The following CPSF6 variants were observed in gnomAD, a reference collection of about 807,000 sequenced individuals.
CPSF6 encodes the protein cleavage and polyadenylation specific factor 6.
Under a neutral mutation model 56.7 loss-of-function variants are expected in CPSF6, and 10 were observed. The ratio of observed to expected loss-of-function variants is 0.18; its 90% confidence interval spans 0.11 to 0.30. The LOEUF is 0.30. Ranked by LOEUF, CPSF6 falls within the 10% of genes least tolerant of loss-of-function variation. The pLI is 1.00. For synonymous variants in CPSF6, 248 were observed against 244.8 expected (o/e 1.01, Z -0.12); for missense variants, 419 against 722.9 (o/e 0.58, Z 4.82).
At chr12:69,269,276 T>A (rs981448871) in intron 9 of CPSF6, among the ~76,000 whole-genome samples, 1 of 151,888 alleles carries the variant, frequency 6.6e-6, no homozygotes, top group Non-Finnish European at 1.5e-5. Context: ...TCATTAAATT[T>A]ATAAGGCAAT....
intron 1 of CPSF6, among the ~76,000 whole-genome samples, chr12:69,250,077 G>A (rs749519750): frequency 6.6e-5 from 10 of 151,876 alleles, no homozygotes; most frequent in Non-Finnish European, 8.8e-5. Flanking sequence ...CATGTATTTC[G>A]TTTATTTCTC....
chr12:69,263,798 A>G (rs1192669358), intron 9 of CPSF6, among the ~76,000 whole-genome samples: 2 of 152,188 alleles, frequency 1.3e-5, no homozygotes, highest in East Asian at 3.9e-4. Flanking sequence ...TGGAACACAG[A>G]TATAAGCTCC....
intron 1 of CPSF6, among the ~76,000 whole-genome samples, chr12:69,248,586 G>A (rs1333971943): frequency 6.6e-6 from 1 of 152,058 alleles, no homozygotes; most frequent in African/African-American, 2.4e-5. Flanking sequence ...AATTTCTGTG[G>A]TCATTGCAAT....
rs767355931 is a variant in CPSF6, at chr12:69,258,812, C to A, written c.917C>A (p.Pro306His). The change falls in exon 6 of 10, where the codon CCT becomes CAT. Residue 306 changes from proline (P) to histidine (H), a missense_variant. Transcript: ENST00000435070. This position sits in a 1 kb window ranked among gnomAD's most constrained non-coding sequence, Gnocchi z 4.2. The stretch of plus-strand genomic sequence containing the variant: ...CCTCCAGTTCCAGGCTACGGCCCCC[C>A]TCCTGGCCCACCACCTCCACAACAG... ...PPPPVPGYGP[P>H]PGPPPPQQGP... 2.5e-6 allele frequency: 4 copies of A among 1,613,826 alleles called. No individual in the cohort carries two copies. The Admixed American group carries it at 6.7e-5, about 27-fold the overall frequency.
rs938157286 is a variant in CPSF6 at position 69,273,274 on chromosome 12, T to C, written c.*3766T>C. 2 of 401,700 alleles carry C rather than the reference T, an allele frequency of 5.0e-6. No individual in the cohort carries two copies. The highest frequency in any genetic ancestry group is 3.9e-5 in the South Asian group (2 of 51,386). 24.9% of individuals were successfully genotyped at this position (401,700 alleles called of 1,614,324 possible). On this transcript the variant is annotated 3_prime_UTR_variant, in exon 10 of 10. Transcript: ENST00000435070. The stretch of plus-strand genomic sequence containing the variant: ...GATTTAGGTTTGTCTTAACCAATGT[T>C]CTTTTTTTAGAATTTCAGGTTGTGG...
chr12:69,259,316 A>G (rs909226899), intron 6 of CPSF6, 112 bp from the exon 7 acceptor site: 42 of 1,372,832 alleles, frequency 3.1e-5, no homozygotes, highest in Non-Finnish European at 3.7e-5. Flanking sequence ...AAAAGTAACT[A>G]CTATCTCTAA....
In CPSF6 at chr12:69,269,576, A is replaced by C; in HGVS notation, c.*68A>C. 2.3e-6 allele frequency: 1 copy of C among 444,222 alleles called. No homozygotes were observed. Among genetic ancestry groups the C allele is most frequent in the East Asian group, 7.3e-5 (1 of 13,768 alleles). The allele number at this position is 444,222 out of a possible 1,614,324, so 27.5% of individuals were successfully genotyped here. On this transcript the variant is annotated 3_prime_UTR_variant, in exon 10 of 10. Transcript: ENST00000435070. The stretch of plus-strand genomic sequence containing the variant: ...CATGGGGGAAAAATGACGCTTGTCC[A>C]GCAGTTTGCTTCTTGTGATTGAACT...
intron 1 of CPSF6, among the ~76,000 whole-genome samples, chr12:69,242,225 C>G (rs1344048070): frequency 1.3e-5 from 2 of 151,892 alleles, no homozygotes; most frequent in African/African-American, 2.4e-5. Flanking sequence ...CTTTGTTTTC[C>G]AGTGTAAACT....
At chr12:69,247,450 C>T (rs1447179473) in intron 1 of CPSF6, among the ~76,000 whole-genome samples, 1 of 133,746 alleles carries the variant, frequency 7.5e-6, no homozygotes, top group Non-Finnish European at 1.6e-5. Context: ...CTACTATGAA[C>T]AGCAGATAAG....
chr12:69,266,514 G>A (rs571718643), intron 9 of CPSF6, among the ~76,000 whole-genome samples: 4 of 152,086 alleles, frequency 2.6e-5, no homozygotes, highest in African/African-American at 4.8e-5. Flanking sequence ...CTCTCTCACC[G>A]TCATCTCAGT....
chr12:69,269,358 A>G (rs2120653419), intron 9 of CPSF6, among the ~76,000 whole-genome samples, 154 bp from the exon 10 acceptor site: 1 of 152,044 alleles, frequency 6.6e-6, no homozygotes, highest in Admixed American at 6.6e-5. Flanking sequence ...TCACCACCAC[A>G]AAGGCAGCTA....
intron 3 of CPSF6, chr12:69,255,279 A>G (rs1477788017): frequency 6.6e-6 from 1 of 152,216 alleles, no homozygotes; most frequent in Admixed American, 6.5e-5. Flanking sequence ...CTTTTAATCT[A>G]TCAGTCGATG....
rs1331956844 is a variant in CPSF6 at position 69,270,804 on chromosome 12, G to A, written c.*1296G>A. ...TGATTGCAAAATTGGCAGAGGCAGGGTGTCAACTTGATTAGGTGTTTTTAT... is the reference window on the plus strand; with the variant it reads ...TGATTGCAAAATTGGCAGAGGCAGGATGTCAACTTGATTAGGTGTTTTTAT... On this transcript the variant is annotated 3_prime_UTR_variant, in exon 10 of 10. Coordinates refer to ENST00000435070, the MANE Select transcript of CPSF6 (RefSeq NM_007007.3). 1 of 151,682 alleles carries A rather than the reference G, an allele frequency of 6.6e-6. No homozygotes were observed. Among genetic ancestry groups the A allele is most frequent in the African/African-American group, 2.4e-5 (1 of 41,392 alleles). 9.4% of individuals were successfully genotyped at this position (151,682 alleles called of 1,614,324 possible).
At chr12:69,260,302 A>G in intron 8 of CPSF6, 105 bp downstream of exon 8, 1 of 846,998 alleles carries the variant, frequency 1.2e-6, no homozygotes, top group Non-Finnish European at 1.7e-6. Flanking sequence ...CTTACTGATT[A>G]TTTAGCAGCT....
At chr12:69,247,046 A>G (rs1026144689) in intron 1 of CPSF6, among the ~76,000 whole-genome samples, 3 of 152,252 alleles carry the variant, frequency 2.0e-5, no homozygotes, top group South Asian at 2.1e-4. Flanking sequence ...TTGACAGCCA[A>G]CAAGTTCATC....
chr12:69,261,538 C>T (rs1872740797), intron 8 of CPSF6, among the ~76,000 whole-genome samples: 1 of 151,994 alleles, frequency 6.6e-6, no homozygotes, highest in Non-Finnish European at 1.5e-5. Flanking sequence ...GCACTCCAGC[C>T]TGGGTGACAG....
At chr12:69,267,850 T>C (rs904489484) in intron 9 of CPSF6, among the ~76,000 whole-genome samples, 6 of 151,862 alleles carry the variant, frequency 4.0e-5, no homozygotes, top group African/African-American at 9.7e-5. Context: ...AAGATGTGTG[T>C]TGCAATTTTA....
intron 1 of CPSF6, among the ~76,000 whole-genome samples, chr12:69,249,152 CGGGG>C (rs548477892): frequency 0.023 from 375 of 16,562 alleles, 45 homozygotes; most frequent in Middle Eastern, 0.16. Context: ...CCCAGCTACT[CGGGG>C]GGGGGGGGGG....
chr12:69,256,611 C>A, intron 3 of CPSF6, 86 bp from the exon 4 acceptor site: 1 of 1,330,466 alleles, frequency 7.5e-7, no homozygotes, highest in Non-Finnish European at 1.0e-6. Flanking sequence ...TAGATAAAAG[C>A]AGATTAAGAC....
Sources: gnomAD v4.1 joint callset for allele counts (sites outside exome capture counted in the v4.1 genomes callset) on GRCh38, gnomAD v4.1.1 for gene constraint, Gnocchi (gnomAD v3.1) non-coding constraint, MANE v1.5 for transcripts, NCBI Gene and HGNC (gene_info 2026-07-23, HGNC 2026-07-21) for gene names.